Variants in TGFB1I1 observed in about 807,000 individuals in gnomAD.
TGFB1I1 encodes transforming growth factor beta-1-induced transcript 1 protein.
A neutral mutation model predicts 52.0 loss-of-function variants in TGFB1I1; 33 were observed. The observed-to-expected ratio is 0.63, with a 90% CI of 0.48 to 0.85. TGFB1I1 has a LOEUF of 0.85. Ranked by LOEUF, TGFB1I1 falls within the 40% of genes least tolerant of loss-of-function variation. TGFB1I1 has a pLI of 0.00. For missense variants in TGFB1I1, 577 were observed against 614.9 expected (o/e 0.94, Z 0.65); for synonymous variants, 236 against 253.3 (o/e 0.93, Z 0.65).
In TGFB1I1 at chr16:31,474,790, A is replaced by C; in HGVS notation, c.714+33A>C. ...GAGCCTTGTGAGAAGGGAGGCAGAG[A>C]CCTGTCACAGACCCATCTTTAGTGA... On this transcript the variant is annotated intron_variant, in intron 7 of 10. Coordinates refer to ENST00000394863, the MANE Select transcript of TGFB1I1 (RefSeq NM_001042454.3). The surrounding 1 kb of genome is among the most constrained non-coding windows in gnomAD (Gnocchi z 4.2). 6.3e-7 allele frequency: 1 copy of C among 1,577,236 alleles called. No homozygotes were observed. The highest frequency in any genetic ancestry group is 1.1e-5 in the South Asian group (1 of 87,072).
rs763826413 is a variant in TGFB1I1 at position 31,473,900 on chromosome 16, G to A, written c.248G>A (p.Ser83Asn). 1.2e-6 allele frequency: 2 copies of A among 1,613,968 alleles called. No homozygotes were observed. The highest frequency in any genetic ancestry group is 2.7e-5 in the African/African-American group (2 of 74,892). Residue 83 changes from serine (S) to asparagine (N), a missense_variant, in exon 4 of 11, where the codon AGC (serine) becomes AAC (asparagine). Around this residue, in one of 3 missense-constraint regions of TGFB1I1, gnomAD observed 113 missense variants for 123.9 expected, o/e 0.91. Coordinates refer to ENST00000394863, the MANE Select transcript of TGFB1I1 (RefSeq NM_001042454.3). ...APAAPPFSSS[S>N]GVLGTGLCEL... ...GCGGCCCCTCCATTCTCCTCTTCCAGCGGTGTCTTGGGTACCGGGCTCTGT... is the reference window on the plus strand; with the variant it reads ...GCGGCCCCTCCATTCTCCTCTTCCAACGGTGTCTTGGGTACCGGGCTCTGT...
Position 31,477,842 on chromosome 16 carries a change from G to C in TGFB1I1, c.*266G>C, listed in dbSNP as rs1216015630. ...CCACCCTTGAGGGAGCCCCCTTACTGGGGGAGGGTCCTTGCAATTCCAGCG... is the reference window on the plus strand; with the variant it reads ...CCACCCTTGAGGGAGCCCCCTTACTCGGGGAGGGTCCTTGCAATTCCAGCG... On this transcript the variant is annotated 3_prime_UTR_variant, in exon 11 of 11. Transcript: ENST00000394863. This position sits in a 1 kb window ranked among gnomAD's most constrained non-coding sequence, Gnocchi z 4.7. 2.0e-6 allele frequency: 1 copy of C among 512,774 alleles called. No homozygotes were observed. Among genetic ancestry groups the C allele is most frequent in the Non-Finnish European group, 3.4e-6 (1 of 293,856 alleles). 31.8% of individuals were successfully genotyped at this position (512,774 alleles called of 1,614,324 possible). A position where few individuals can be genotyped will look rare whatever the true frequency, so the allele number is the denominator to read the frequency against.
chr16:31,477,587 G>C lies in TGFB1I1; in HGVS notation c.*11G>C, dbSNP rs1014966646. ...AAGCTCTTCGGCTGACAGCCCGCTC[G>C]GCTCGCCCTCTCCCCCGGAGGCCGC... On this transcript the variant is annotated 3_prime_UTR_variant, in exon 11 of 11. Coordinates refer to ENST00000394863, the MANE Select transcript of TGFB1I1 (RefSeq NM_001042454.3). This position sits in a 1 kb window ranked among gnomAD's most constrained non-coding sequence, Gnocchi z 4.7. 3.1e-6 allele frequency: 5 copies of C among 1,591,002 alleles called. No individual in the cohort carries two copies. Among genetic ancestry groups the C allele is most frequent in the East Asian group, 2.3e-5 (1 of 43,900 alleles).
At position 31,474,776 on chromosome 16, in the gene TGFB1I1, G is replaced by C. The variant is rs1329325919; in HGVS notation, c.714+19G>C. 1 of 1,591,600 alleles carries C rather than the reference G, an allele frequency of 6.3e-7. No individual in the cohort carries two copies. The highest frequency in any genetic ancestry group is 8.6e-7 in the Non-Finnish European group (1 of 1,169,252). On this transcript the variant is annotated intron_variant, in intron 7 of 10. Transcript: ENST00000394863. The surrounding 1 kb of genome is among the most constrained non-coding windows in gnomAD (Gnocchi z 4.2). ...TGGGCAAGTAAGTGGAGCCTTGTGA[G>C]AAGGGAGGCAGAGACCTGTCACAGA...
chr16:31,476,212 C>A lies in TGFB1I1; in HGVS notation c.888+27C>A, dbSNP rs1364848201. On this transcript the variant is annotated intron_variant, in intron 8 of 10. Transcript: ENST00000394863. The surrounding 1 kb of genome is among the most constrained non-coding windows in gnomAD (Gnocchi z 7.6). ...TGAGCCCCGCCCGGCCGCACCGAGC[C>A]CGCCCTATCTCACCAGGAGAGCTGT... 1 of 1,602,766 alleles carries A rather than the reference C, an allele frequency of 6.2e-7. No individual in the cohort carries two copies. Among genetic ancestry groups the A allele is most frequent in the South Asian group, 1.1e-5 (1 of 90,192 alleles).
chr16:31,474,616 C>T lies in TGFB1I1; in HGVS notation c.573C>T (p.Gly191=), dbSNP rs1567382841. Residue 191 remains glycine (G), a synonymous_variant, in exon 7 of 11, where the codon GGC becomes GGT. Transcript: ENST00000394863. The surrounding 1 kb of genome is among the most constrained non-coding windows in gnomAD (Gnocchi z 4.2). ...QPPVVSSTNE[G]SPSPPEPTGK... is the part of the protein sequence containing the mutation. ...CGGTGGTGAGCTCCACAAATGAGGGCTCCCCATCCCCACCAGAGCCGACTG... is the reference window on the plus strand; with the variant it reads ...CGGTGGTGAGCTCCACAAATGAGGGTTCCCCATCCCCACCAGAGCCGACTG... 1.2e-6 allele frequency: 2 copies of T among 1,610,880 alleles called. No individual in the cohort carries two copies. The highest frequency in any genetic ancestry group is 2.2e-5 in the South Asian group (2 of 90,916).
chr16:31,474,844 G>A lies in TGFB1I1; in HGVS notation c.714+87G>A. On this transcript the variant is annotated intron_variant, in intron 7 of 10. Coordinates refer to ENST00000394863, the MANE Select transcript of TGFB1I1 (RefSeq NM_001042454.3). The surrounding 1 kb of genome is among the most constrained non-coding windows in gnomAD (Gnocchi z 4.2). ...CTGGGCTTTATGCTGTTCCCTTTTAGTAAGTTAATCTGGGAAGTGGGTATC... is the reference window on the plus strand; with the variant it reads ...CTGGGCTTTATGCTGTTCCCTTTTAATAAGTTAATCTGGGAAGTGGGTATC... 3 of 1,300,232 alleles carry A rather than the reference G, an allele frequency of 2.3e-6. No homozygotes were observed. Among genetic ancestry groups the A allele is most frequent in the Non-Finnish European group, 3.2e-6 (3 of 939,150 alleles). The allele number at this position is 1,300,232 out of a possible 1,614,324, so 80.5% of individuals were successfully genotyped here.
In TGFB1I1 at chr16:31,477,526, C is replaced by T. The variant is rs774843120; in HGVS notation, c.1336C>T (p.Arg446Cys). The change falls in exon 11 of 11, where the codon CGC (arginine) becomes TGC (cysteine). Residue 446 changes from arginine (R) to cysteine (C), a missense_variant. Arg to Cys is a radical substitution (Grantham distance 180). Transcript: ENST00000394863. This position sits in a 1 kb window ranked among gnomAD's most constrained non-coding sequence, Gnocchi z 4.7. ...RPLTKGSFQE[R>C]AGKPYCQPCF... is the part of the protein sequence containing the mutation. ...GCTCACCAAGGGGTCCTTCCAGGAG[C>T]GCGCCGGCAAGCCCTACTGCCAGCC... 6.2e-7 allele frequency: 1 copy of T among 1,609,680 alleles called. No individual in the cohort carries two copies. The highest frequency in any genetic ancestry group is 1.7e-5 in the Admixed American group (1 of 59,712).
intron 7 of TGFB1I1, chr16:31,475,699 T>G: frequency 4.1e-6 from 1 of 246,156 alleles, no homozygotes; most frequent in Non-Finnish European, 7.8e-6. Context: ...AATGCTAGGA[T>G]TAGAGGCACG....
rs759031340 is a variant in TGFB1I1 at position 31,474,338 on chromosome 16, T to C, written c.414-12T>C. The C allele has an allele frequency of 4.3e-6, 7 of 1,614,034 alleles. No individual in the cohort carries two copies. In the African/African-American group the frequency reaches 9.3e-5, roughly 22 times the overall value. ...GGGAGGCTCTGAGATGACACAAGCA[T>C]GTTCTTCACAGCCCTTCCAGCCCGT... On this transcript the variant is annotated splice_polypyrimidine_tract_variant and intron_variant, in intron 5 of 10. Transcript: ENST00000394863. This position sits in a 1 kb window ranked among gnomAD's most constrained non-coding sequence, Gnocchi z 4.2.
At chr16:31,473,325 T>C (rs2082401905) in intron 1 of TGFB1I1, 116 bp from the exon 2 acceptor site, 2 of 1,461,592 alleles carry the variant, frequency 1.4e-6, no homozygotes, top group African/African-American at 2.8e-5. Context: ...GCTCTGGCCC[T>C]GTGACCTCTT....
At position 31,477,486 on chromosome 16, in the gene TGFB1I1, C is replaced by T. The variant is rs369504793; in HGVS notation, c.1296C>T (p.Thr432=). The T allele has an allele frequency of 9.3e-6, 15 of 1,607,034 alleles. No individual in the cohort carries two copies. Among genetic ancestry groups the T allele is most frequent in the Non-Finnish European group, 1.2e-5 (14 of 1,177,264 alleles). ...RRFHPDHFTC[T]FCLRPLTKGS... ...TCCACCCGGACCACTTCACATGCACCTTCTGCCTGCGCCCGCTCACCAAGG... is the reference window on the plus strand; with the variant it reads ...TCCACCCGGACCACTTCACATGCACTTTCTGCCTGCGCCCGCTCACCAAGG... The change falls in exon 11 of 11, where the codon ACC becomes ACT. Residue 432 remains threonine (T), a synonymous_variant. Coordinates refer to ENST00000394863, the MANE Select transcript of TGFB1I1 (RefSeq NM_001042454.3). This position sits in a 1 kb window ranked among gnomAD's most constrained non-coding sequence, Gnocchi z 4.7.
Position 31,474,816 on chromosome 16 carries a change from G to A in TGFB1I1, c.714+59G>A. 1 of 1,498,900 alleles carries A rather than the reference G, an allele frequency of 6.7e-7. No individual in the cohort carries two copies. The highest frequency in any genetic ancestry group is 9.1e-7 in the Non-Finnish European group (1 of 1,098,582). The allele number at this position is 1,498,900 out of a possible 1,614,324, so 92.9% of individuals were successfully genotyped here. On this transcript the variant is annotated intron_variant, in intron 7 of 10. Coordinates refer to ENST00000394863, the MANE Select transcript of TGFB1I1 (RefSeq NM_001042454.3). The surrounding 1 kb of genome is among the most constrained non-coding windows in gnomAD (Gnocchi z 4.2). Reference sequence around the variant, plus strand: ...CCTGTCACAGACCCATCTTTAGTGAGAGCTGGGCTTTATGCTGTTCCCTTT... The same window carrying A: ...CCTGTCACAGACCCATCTTTAGTGAAAGCTGGGCTTTATGCTGTTCCCTTT...
In TGFB1I1 at chr16:31,473,368, C is replaced by G. The variant is rs560663845; in HGVS notation, c.14-73C>G. 7 of 1,524,610 alleles carry G rather than the reference C, an allele frequency of 4.6e-6. No homozygotes were observed. The East Asian group carries it at 1.4e-4, about 30-fold the overall frequency. The allele number at this position is 1,524,610 out of a possible 1,614,324, so 94.4% of individuals were successfully genotyped here. ...TACTGGCTTCTGTCCTTCTCCAGTA[C>G]TGCCCACTGGGAACCTTATCTTCTG... On this transcript the variant is annotated intron_variant, in intron 1 of 10. Transcript: ENST00000394863.
chr16:31,474,020 G>T lies in TGFB1I1; in HGVS notation c.325+43G>T. 6.2e-7 allele frequency: 1 copy of T among 1,607,936 alleles called. No homozygotes were observed. Among genetic ancestry groups the T allele is most frequent in the South Asian group, 1.1e-5 (1 of 90,894 alleles). ...AGAGGCCTTGATGCGATAGGGGCAG[G>T]GGAGGGAAGGGTGGGGCAGAGACTA... On this transcript the variant is annotated intron_variant, in intron 4 of 10. Transcript: ENST00000394863. The surrounding 1 kb of genome is among the most constrained non-coding windows in gnomAD (Gnocchi z 4.2).
chr16:31,472,241 G>A (rs1427287907), intron 1 of TGFB1I1, 40 bp downstream of exon 1: 1 of 1,443,944 alleles, frequency 6.9e-7, no homozygotes, highest in South Asian at 1.4e-5. Context: ...GCCCCTCACC[G>A]CTGCCCAGAG....
rs771247221 is a variant in TGFB1I1 at position 31,477,505 on chromosome 16, A to G, written c.1315A>G (p.Thr439Ala). 6.2e-7 allele frequency: 1 copy of G among 1,609,500 alleles called. No individual in the cohort carries two copies. Among genetic ancestry groups the G allele is most frequent in the South Asian group, 1.1e-5 (1 of 90,468 alleles). The change falls in exon 11 of 11, where the codon ACC becomes GCC. Residue 439 changes from threonine to alanine, a missense_variant. Physicochemically the swap from Thr to Ala is moderately conservative, Grantham distance 58. Coordinates refer to ENST00000394863, the MANE Select transcript of TGFB1I1 (RefSeq NM_001042454.3). This position sits in a 1 kb window ranked among gnomAD's most constrained non-coding sequence, Gnocchi z 4.7. ...ATGCACCTTCTGCCTGCGCCCGCTCACCAAGGGGTCCTTCCAGGAGCGCGC... is the reference window on the plus strand; with the variant it reads ...ATGCACCTTCTGCCTGCGCCCGCTCGCCAAGGGGTCCTTCCAGGAGCGCGC... ...FTCTFCLRPLTKGSFQERAGK... is the reference protein window; with the variant it reads ...FTCTFCLRPLAKGSFQERAGK...
rs1419642275 is a variant in TGFB1I1, at chr16:31,477,140, G to T, written c.1119+130G>T. 7.1e-6 allele frequency: 10 copies of T among 1,405,616 alleles called. No individual in the cohort carries two copies. In the Admixed American group the frequency reaches 2.4e-4, roughly 34 times the overall value. The allele number at this position is 1,405,616 out of a possible 1,614,324, so 87.1% of individuals were successfully genotyped here. On this transcript the variant is annotated intron_variant, in intron 10 of 10. Transcript: ENST00000394863. The surrounding 1 kb of genome is among the most constrained non-coding windows in gnomAD (Gnocchi z 4.7). ...CTCGGGGGGGCGGGTCACGGGAGGT[G>T]CTGCTAGGAACCTCGGGTGGGGCGA...
Position 31,476,001 on chromosome 16 carries a change from C to T in TGFB1I1, c.715-11C>T. ...AGAGCCGCTCTGACCCGCCTCACCT[C>T]CCACTCGCAGGTGGTGACGGCTCTG... On this transcript the variant is annotated splice_polypyrimidine_tract_variant and intron_variant, in intron 7 of 10. Transcript: ENST00000394863. This position sits in a 1 kb window ranked among gnomAD's most constrained non-coding sequence, Gnocchi z 7.6. 6.2e-7 allele frequency: 1 copy of T among 1,608,942 alleles called. No homozygotes were observed. Among genetic ancestry groups the T allele is most frequent in the African/African-American group, 1.3e-5 (1 of 75,032 alleles).
Sources: allele counts gnomAD v4.1 joint callset, GRCh38; gene constraint gnomAD v4.1.1; regional missense constraint gnomAD v4.1.1; non-coding constraint Gnocchi (gnomAD v3.1); transcripts MANE v1.5; gene names NCBI Gene and HGNC (gene_info 2026-07-23, HGNC 2026-07-21).